NELFA: variants seen among roughly 807,000 people sequenced by gnomAD.
NELFA encodes negative elongation factor complex member A, also known as negative elongation factor A.
A neutral mutation model predicts 51.8 loss-of-function variants in NELFA; 35 were observed. The ratio of observed to expected loss-of-function variants is 0.68; its 90% confidence interval spans 0.52 to 0.90. The LOEUF is 0.90. Ranked by LOEUF, NELFA falls within the 40% of genes least tolerant of loss-of-function variation. The pLI, the probability that NELFA is intolerant of heterozygous loss-of-function variation, is 0.00. For missense variants in NELFA, 658 were observed against 746.4 expected (o/e 0.88, Z 1.38); for synonymous variants, 417 against 338.4 (o/e 1.23, Z -2.55).
intron 1 of NELFA, chr4:2,008,008 A>G (rs1728756011): frequency 2.2e-6 from 1 of 456,918 alleles, no homozygotes; most frequent in Non-Finnish European, 4.4e-6. Flanking sequence ...CGTGTAGAAA[A>G]GAGTAAAACG....
chr4:1,983,887 G>A lies in NELFA; in HGVS notation c.1263C>T (p.Ala421=). Residue 421 remains alanine (A), a synonymous_variant, in exon 9 of 11, where the codon GCC becomes GCT. Coordinates refer to ENST00000382882, the MANE Select transcript of NELFA (RefSeq NM_005663.5). ...PVAMVAPQTQ[A]PAQQQPKKNL... Reference sequence around the variant, plus strand: ...TCTTCTTAGGCTGCTGCTGAGCAGGGGCCTGGGTCTGCGGGGCCACCATGG... The same window carrying A: ...TCTTCTTAGGCTGCTGCTGAGCAGGAGCCTGGGTCTGCGGGGCCACCATGG... The A allele has an allele frequency of 1.3e-6, 2 of 1,595,568 alleles. No homozygotes were observed. The highest frequency in any genetic ancestry group is 2.7e-5 in the African/African-American group (2 of 74,666).
rs149004004 is a variant in NELFA at position 1,986,166 on chromosome 4, C to T, written c.783G>A (p.Glu261=). The T allele has an allele frequency of 7.1e-6, 11 of 1,557,870 alleles. No homozygotes were observed. In the African/African-American group the frequency reaches 1.4e-4, roughly 19 times the overall value. ...ERGVKLLDIS[E]LDMVGAGREA... ...CTCGGCCAGCGCCAACCATATCCAGCTCAGAGATGTCCAGCAGCTGCCAAG... is the reference window on the plus strand; with the variant it reads ...CTCGGCCAGCGCCAACCATATCCAGTTCAGAGATGTCCAGCAGCTGCCAAG... The change falls in exon 6 of 11, where the codon GAG becomes GAA. Residue 261 remains glutamate (E), a synonymous_variant. Coordinates refer to ENST00000382882, the MANE Select transcript of NELFA (RefSeq NM_005663.5).
Position 1,984,040 on chromosome 4 carries a change from G to T in NELFA, c.1110C>A (p.Phe370Leu), listed in dbSNP as rs1728000386. The T allele has an allele frequency of 1.2e-6, 2 of 1,606,184 alleles. No homozygotes were observed. Among genetic ancestry groups the T allele is most frequent in the South Asian group, 2.2e-5 (2 of 90,900 alleles). Residue 370 changes from phenylalanine to leucine, a missense_variant, in exon 9 of 11, where the codon TTC (phenylalanine) becomes TTA (leucine). Phe to Leu is a conservative substitution (Grantham distance 22). Around this residue, in one of 3 missense-constraint regions of NELFA, gnomAD observed 200 missense variants for 167.9 expected, o/e 1.19. Coordinates refer to ENST00000382882, the MANE Select transcript of NELFA (RefSeq NM_005663.5). Reference sequence around the variant, plus strand: ...TGTTGTACATGGGCGCCCGCTGCTTGAACTGCGCTGGCAACGTGGGGCTCG... The same window carrying T: ...TGTTGTACATGGGCGCCCGCTGCTTTAACTGCGCTGGCAACGTGGGGCTCG... The part of the protein sequence containing the change: ...SAPSPTLPAQ[F>L]KQRAPMYNSG...
rs540967372 is a variant in NELFA at position 2,000,225 on chromosome 4, C to A, written c.211-8510G>T. 2.2e-4 allele frequency among the ~76,000 whole-genome samples: 34 copies of A among 151,786 alleles called. 1 individual carries two copies. In the South Asian group the frequency reaches 7.1e-3, roughly 32 times the overall value. The stretch of plus-strand genomic sequence containing the variant: ...GTAATTAACATCACAATTAAAAGAC[C>A]CAGAGAGGCAAGAGAGCAAACTAAC... On this transcript the variant is annotated intron_variant, in intron 1 of 10. Transcript: ENST00000382882.
At chr4:1,988,723 T>G (rs1560865088) in intron 3 of NELFA, among the ~76,000 whole-genome samples, 1 of 152,256 alleles carries the variant, frequency 6.6e-6, no homozygotes, top group Non-Finnish European at 1.5e-5. Context: ...ATTGAAATCT[T>G]TGTCGTGCTT....
intron 1 of NELFA, among the ~76,000 whole-genome samples, chr4:1,993,729 G>A (rs1577621636): frequency 6.6e-6 from 1 of 152,012 alleles, no homozygotes; most frequent in African/African-American, 2.4e-5. Flanking sequence ...CGCCTGGTGG[G>A]GGCCCCTTCC....
At position 1,988,048 on chromosome 4, in the gene NELFA, G is replaced by A. The variant is rs374504190; in HGVS notation, c.545-41C>T. On this transcript the variant is annotated intron_variant, in intron 3 of 10. Transcript: ENST00000382882. ...CACATATGTCAGGGATCCTCAGAGC[G>A]AGAGCCCTTGGCCCTTGTAAAAACA... 8 of 1,546,958 alleles carry A rather than the reference G, an allele frequency of 5.2e-6. No homozygotes were observed. The African/African-American group carries it at 9.5e-5, about 18-fold the overall frequency.
Position 1,986,293 on chromosome 4 carries a change from C to A in NELFA, c.744G>T (p.Leu248=). Residue 248 remains leucine, a synonymous_variant, in exon 5 of 11, where the codon CTG becomes CTT. Transcript: ENST00000382882. ...RTPIPPSRTL[L]RKERGVKLLD... ...CTACCTTCACACCTCGTTCCTTCCG[C>A]AGCAGCGTCCTGGAAGGCGGGATGG... 1 of 1,586,538 alleles carries A rather than the reference C, an allele frequency of 6.3e-7. No individual in the cohort carries two copies. The highest frequency in any genetic ancestry group is 1.1e-5 in the South Asian group (1 of 87,350).
At chr4:1,999,746 A>G (rs1032378467) in intron 1 of NELFA, among the ~76,000 whole-genome samples, 2 of 152,202 alleles carry the variant, frequency 1.3e-5, no homozygotes, top group Non-Finnish European at 2.9e-5. Flanking sequence ...AAAACTAACA[A>G]GGATATTCAG....
In NELFA at chr4:2,006,580, G is replaced by A. The variant is rs187027808; in HGVS notation, c.210+2170C>T. ...GGCTAGGAGTTCAAGACCAGCCTGGGCAATACAGTAAGACCCCCATCTCCA... is the reference window on the plus strand; with the variant it reads ...GGCTAGGAGTTCAAGACCAGCCTGGACAATACAGTAAGACCCCCATCTCCA... On this transcript the variant is annotated intron_variant, in intron 1 of 10. Transcript: ENST00000382882. 4.6e-5 allele frequency among the ~76,000 whole-genome samples: 7 copies of A among 152,132 alleles called. No individual in the cohort carries two copies. The East Asian group carries it at 7.7e-4, about 17-fold the overall frequency.
chr4:2,002,079 A>G (rs1223070261), intron 1 of NELFA, among the ~76,000 whole-genome samples: 1 of 151,814 alleles, frequency 6.6e-6, no homozygotes, highest in East Asian at 1.9e-4. Context: ...GGGCGCCTGT[A>G]GTCCCAGCTA....
At chr4:1,983,575 G>A in intron 10 of NELFA, 21 bp downstream of exon 10, 1 of 1,613,628 alleles carries the variant, frequency 6.2e-7, no homozygotes, top group Non-Finnish European at 8.5e-7. Context: ...TGCACCCCCA[G>A]GCCCTGCCTT....
At position 1,991,678 on chromosome 4, in the gene NELFA, C is replaced by G; in HGVS notation, c.248G>C (p.Ser83Thr). 6.2e-7 allele frequency: 1 copy of G among 1,611,734 alleles called. No homozygotes were observed. The highest frequency in any genetic ancestry group is 1.3e-5 in the African/African-American group (1 of 74,846). ...GALMEIIQLA[S>T]LDSDPWVLMV... ...GAGCACCCAGGGGTCCGAGTCGAGG[C>G]TGGCGAGCTGGATGATCTCCATTAG... The change falls in exon 2 of 11, where the codon AGC (serine) becomes ACC (threonine). Residue 83 changes from serine (S) to threonine (T), a missense_variant. Coordinates refer to ENST00000382882, the MANE Select transcript of NELFA (RefSeq NM_005663.5).
chr4:2,002,821 G>A (rs1490725985), intron 1 of NELFA, among the ~76,000 whole-genome samples: 2 of 152,048 alleles, frequency 1.3e-5, no homozygotes, highest in Non-Finnish European at 1.5e-5. Context: ...ACACAGTCAC[G>A]GCCAACAACT....
chr4:1,989,892 G>A lies in NELFA; in HGVS notation c.383-23C>T, dbSNP rs763285103. On this transcript the variant is annotated intron_variant, in intron 2 of 10. Coordinates refer to ENST00000382882, the MANE Select transcript of NELFA (RefSeq NM_005663.5). This position sits in a 1 kb window ranked among gnomAD's most constrained non-coding sequence, Gnocchi z 4.8. ...CCACTGCCGGTAAGAACCACATGAA[G>A]TTAGGGGCGCCCAGGCCGCAGACCT... The A allele has an allele frequency of 3.1e-6, 5 of 1,606,896 alleles. No individual in the cohort carries two copies. The highest frequency in any genetic ancestry group is 1.7e-5 in the Admixed American group (1 of 58,952).
intron 1 of NELFA, among the ~76,000 whole-genome samples, chr4:2,004,590 T>C (rs1048931053): frequency 6.6e-6 from 1 of 151,482 alleles, no homozygotes; most frequent in Non-Finnish European, 1.5e-5. Context: ...CAGGCTCAAG[T>C]GATCCTCTCG....
chr4:2,006,920 G>C (rs1229272706), intron 1 of NELFA: 1 of 152,892 alleles, frequency 6.5e-6, no homozygotes, highest in East Asian at 1.9e-4. Context: ...TGGGAAAAAA[G>C]AGAATTTAAA....
At position 1,994,804 on chromosome 4, in the gene NELFA, G is replaced by A. The variant is rs576832742; in HGVS notation, c.211-3089C>T. Among the ~76,000 whole-genome samples, 9 of 149,848 alleles carry A rather than the reference G, an allele frequency of 6.0e-5. No individual in the cohort carries two copies. The East Asian group carries it at 1.2e-3, about 19-fold the overall frequency. On this transcript the variant is annotated intron_variant, in intron 1 of 10. Coordinates refer to ENST00000382882, the MANE Select transcript of NELFA (RefSeq NM_005663.5). ...CGGGAGGTGGAGCTTGCAGTGAGCC[G>A]AGATTGCGTGCCCCAGCCTGGGCAA...
At position 2,008,836 on chromosome 4, in the gene NELFA, G is replaced by A. The variant is rs1387021862; in HGVS notation, c.124C>T (p.Arg42Cys). 4 of 1,610,988 alleles carry A rather than the reference G, an allele frequency of 2.5e-6. No individual in the cohort carries two copies. Among genetic ancestry groups the A allele is most frequent in the Admixed American group, 1.7e-5 (1 of 59,612 alleles). ...GACGAGAGGCCATGGAAGCAGAGAC[G>A]GATGTTGTCGATGACCGCGGCCGTG... is the stretch of plus-strand genomic sequence containing the variant. ...LLTAAVIDNIRLCFHGLSSAV... is the reference protein window; with the variant it reads ...LLTAAVIDNICLCFHGLSSAV... The change falls in exon 1 of 11, where the codon CGT (arginine) becomes TGT (cysteine). Residue 42 changes from arginine (R) to cysteine (C), a missense_variant. Around this residue, in one of 3 missense-constraint regions of NELFA, gnomAD observed 371 missense variants for 448.3 expected, o/e 0.83. Transcript: ENST00000382882.
Sources: gnomAD v4.1 joint callset for allele counts (sites outside exome capture counted in the v4.1 genomes callset) on GRCh38, gnomAD v4.1.1 for gene constraint, gnomAD v4.1.1 regional missense constraint, Gnocchi (gnomAD v3.1) non-coding constraint, MANE v1.5 for transcripts, NCBI Gene and HGNC (gene_info 2026-07-23, HGNC 2026-07-21) for gene names.